The following ANK3 variants were observed in gnomAD, a reference collection of about 807,000 sequenced individuals.
The protein encoded by ANK3 is ankyrin 3.
ANK3 carries 57 observed loss-of-function variants against 370.9 expected under a neutral mutation model. That is an observed-to-expected ratio of 0.15 (90% CI 0.12 to 0.19). ANK3 has a LOEUF of 0.19. Ranked by LOEUF, ANK3 falls within the 10% of genes least tolerant of loss-of-function variation. ANK3 has a pLI of 1.00. For synonymous variants in ANK3, 1,929 were observed against 1,946.3 expected (o/e 0.99, Z 0.23); for missense variants, 4,439 against 5,302.1 (o/e 0.84, Z 5.06).
chr10:60,047,188 C>A (rs950240780), intron 42 of ANK3, among the ~76,000 whole-genome samples: 69 of 152,258 alleles, frequency 4.5e-4, no homozygotes, highest in African/African-American at 1.5e-3. Flanking sequence ...TTGACAACAT[C>A]ATTTCTGGCA....
At chr10:60,225,397 T>C (rs557772599) in intron 8 of ANK3, among the ~76,000 whole-genome samples, 2 of 152,332 alleles carry the variant, frequency 1.3e-5, no homozygotes, top group African/African-American at 4.8e-5. Context: ...GAGAAAAGCA[T>C]CAGTAGCTAC....
At chr10:60,148,434 G>C (rs2094934477) in intron 23 of ANK3, among the ~76,000 whole-genome samples, 1 of 152,164 alleles carries the variant, frequency 6.6e-6, no homozygotes, top group South Asian at 2.1e-4. Context: ...GGATTAAGAA[G>C]CAGTAAAGTG....
intron 16 of ANK3, among the ~76,000 whole-genome samples, chr10:60,188,048 C>G (rs1325073737): frequency 6.6e-6 from 1 of 152,168 alleles, no homozygotes. Context: ...TCCCCTCCTA[C>G]TAAATATACA....
At chr10:60,163,708 T>C (rs1468512419) in intron 23 of ANK3, among the ~76,000 whole-genome samples, 1 of 152,196 alleles carries the variant, frequency 6.6e-6, no homozygotes, top group Non-Finnish European at 1.5e-5. Flanking sequence ...ATTTTTTATC[T>C]TATTTATTTT....
intron 2 of ANK3, among the ~76,000 whole-genome samples, chr10:60,502,363 G>C (rs1026874997): frequency 6.6e-6 from 1 of 152,202 alleles, no homozygotes; most frequent in Admixed American, 6.5e-5. Flanking sequence ...AAGCTAACAA[G>C]TGGCTCCAGT....
chr10:60,145,244 G>A (rs10761462), intron 23 of ANK3, among the ~76,000 whole-genome samples: 23,696 of 152,100 alleles, frequency 0.16, 2,860 homozygotes, highest in African/African-American at 0.32. Flanking sequence ...ATGGGATTAA[G>A]AAAGATTAGA....
intron 4 of ANK3, 97 bp downstream of exon 4, chr10:60,278,677 G>A: frequency 6.2e-6 from 6 of 965,648 alleles, no homozygotes; most frequent in Admixed American, 3.7e-5. Flanking sequence ...TAAGTATTCT[G>A]TTCTTAGAGG....
At chr10:60,545,289 A>G (rs1245191365) in intron 2 of ANK3, among the ~76,000 whole-genome samples, 1 of 152,012 alleles carries the variant, frequency 6.6e-6, no homozygotes, top group Non-Finnish European at 1.5e-5. Flanking sequence ...GAGACTTGAA[A>G]ACTAGCAGTG....
chr10:60,302,182 A>T (rs2043965683), intron 1 of ANK3, among the ~76,000 whole-genome samples: 2 of 152,226 alleles, frequency 1.3e-5, no homozygotes, highest in African/African-American at 4.8e-5. Context: ...TAACTTGTTG[A>T]ATATGTTCAA....
chr10:60,269,654 C>A (rs886311811), intron 5 of ANK3, among the ~76,000 whole-genome samples: 3 of 145,752 alleles, frequency 2.1e-5, no homozygotes, highest in African/African-American at 7.6e-5. Flanking sequence ...CCCCTCCCCC[C>A]CCCCAAAAAA....
intron 25 of ANK3, among the ~76,000 whole-genome samples, chr10:60,120,312 T>C (rs912404377): frequency 6.6e-6 from 1 of 151,794 alleles, no homozygotes; most frequent in Non-Finnish European, 1.5e-5. Context: ...AAAAATCAAA[T>C]CAAAATGAAT....
chr10:60,444,428 A>ATG (rs1567045945), intron 2 of ANK3, among the ~76,000 whole-genome samples: 1 of 122,356 alleles, frequency 8.2e-6, no homozygotes, highest in Admixed American at 8.3e-5. Context: ...TATATAACAT[A>ATG]CGTGTGTGTG....
intron 2 of ANK3, among the ~76,000 whole-genome samples, chr10:60,501,953 T>C (rs2075811442): frequency 6.6e-6 from 1 of 152,144 alleles, no homozygotes; most frequent in Non-Finnish European, 1.5e-5. Context: ...ACCACTGCAC[T>C]CTTTAGCCTG....
intron 8 of ANK3, among the ~76,000 whole-genome samples, chr10:60,226,473 TATATACTATATATATAC>T (rs1328614807): frequency 3.6e-4 from 34 of 95,066 alleles, no homozygotes; most frequent in African/African-American, 2.2e-3. Flanking sequence ...ATACATAGTA[TATATACTATATATATAC>T]ATATACTATA....
intron 2 of ANK3, among the ~76,000 whole-genome samples, chr10:60,539,866 T>C (rs1472602593): frequency 6.6e-6 from 1 of 151,930 alleles, no homozygotes; most frequent in Non-Finnish European, 1.5e-5. Context: ...ATGAATATGA[T>C]AGATACGTTT....
chr10:60,179,029 A>T (rs2096064539), intron 18 of ANK3, among the ~76,000 whole-genome samples: 1 of 152,134 alleles, frequency 6.6e-6, no homozygotes, highest in South Asian at 2.1e-4. Context: ...AGAGGTCTTG[A>T]TATTTTTATT....
intron 1 of ANK3, among the ~76,000 whole-genome samples, chr10:60,294,507 G>T (rs1284026623): frequency 6.6e-6 from 1 of 152,036 alleles, no homozygotes; most frequent in Non-Finnish European, 1.5e-5. Flanking sequence ...GGAGGTAGGG[G>T]GCTTGCAGGG....
At chr10:60,491,048 T>C (rs768009914) in intron 2 of ANK3, among the ~76,000 whole-genome samples, 8 of 152,220 alleles carry the variant, frequency 5.3e-5, no homozygotes, top group African/African-American at 1.2e-4. Context: ...CCCTTTTGTA[T>C]CTGGCTTTTT....
intron 2 of ANK3, among the ~76,000 whole-genome samples, chr10:60,610,190 C>A (rs1258498229): frequency 6.6e-6 from 1 of 152,048 alleles, no homozygotes. Flanking sequence ...AAAAAATATT[C>A]TATCCATTAG....
Sources: gnomAD v4.1 joint callset for allele counts (sites outside exome capture counted in the v4.1 genomes callset) on GRCh38, gnomAD v4.1.1 for gene constraint, MANE v1.5 for transcripts, NCBI Gene and HGNC (gene_info 2026-07-23, HGNC 2026-07-21) for gene names.